The following RIPPLY3 variants were observed in gnomAD, a reference collection of about 807,000 sequenced individuals.
The protein encoded by RIPPLY3 is ripply transcriptional repressor 3, also known as protein ripply3.
RIPPLY3 carries 8 observed loss-of-function variants against 11.9 expected under a neutral mutation model. That is an observed-to-expected ratio of 0.67 (90% CI 0.40 to 1.21). The LOEUF (loss-of-function observed/expected upper bound fraction) is 1.21, where lower values mean the gene tolerates loss of function less well. Among genes scored for constraint, RIPPLY3 ranks in the 50% most tolerant of loss-of-function variants. The pLI is 0.01. For missense variants in RIPPLY3, 271 were observed against 246.0 expected (o/e 1.10, Z -0.68); for synonymous variants, 102 against 99.0 (o/e 1.03, Z -0.18).
chr21:37,008,241 C>A lies in RIPPLY3; in HGVS notation c.171+18C>A, dbSNP rs373343767. 8.7e-6 allele frequency: 14 copies of A among 1,613,118 alleles called. No individual in the cohort carries two copies. In the African/African-American group the frequency reaches 1.6e-4, roughly 18 times the overall value. Reference sequence around the variant, plus strand: ...GAAGGCCGGTAAGGTTCAGTGCGGGCGTTGTAGGTAACCCTTCCAGCCAGA... The same window carrying A: ...GAAGGCCGGTAAGGTTCAGTGCGGGAGTTGTAGGTAACCCTTCCAGCCAGA... On this transcript the variant is annotated intron_variant, in intron 2 of 3. Coordinates refer to ENST00000329553, the MANE Select transcript of RIPPLY3 (RefSeq NM_018962.3).
chr21:37,010,594 A>G (rs2069511662), intron 2 of RIPPLY3, among the ~76,000 whole-genome samples: 1 of 152,168 alleles, frequency 6.6e-6, no homozygotes, highest in Admixed American at 6.5e-5. Flanking sequence ...ATGCCCCTAC[A>G]ACACTTAGGG....
At position 37,006,967 on chromosome 21, in the gene RIPPLY3, C is replaced by A; in HGVS notation, c.104+91C>A. The A allele has an allele frequency of 1.3e-6, 1 of 747,172 alleles. No individual in the cohort carries two copies. The highest frequency in any genetic ancestry group is 1.8e-6 in the Non-Finnish European group (1 of 554,900). 46.3% of individuals were successfully genotyped at this position (747,172 alleles called of 1,614,324 possible). ...CAGCGAGCGGGAGGCTGGGGCGCTGCTGAACCCCCGATCCCCAGCGGAGCT... is the reference window on the plus strand; with the variant it reads ...CAGCGAGCGGGAGGCTGGGGCGCTGATGAACCCCCGATCCCCAGCGGAGCT... On this transcript the variant is annotated intron_variant, in intron 1 of 3. Transcript: ENST00000329553. The surrounding 1 kb of genome is among the most constrained non-coding windows in gnomAD (Gnocchi z 5.2).
intron 2 of RIPPLY3, among the ~76,000 whole-genome samples, chr21:37,013,240 T>C (rs1055597052): frequency 1.2e-4 from 19 of 152,190 alleles, no homozygotes; most frequent in African/African-American, 4.1e-4. Context: ...ATCATGGGTA[T>C]CTTACCGTGT....
chr21:37,013,798 T>C (rs2069551093), intron 3 of RIPPLY3, among the ~76,000 whole-genome samples, 180 bp downstream of exon 3: 2 of 152,232 alleles, frequency 1.3e-5, no homozygotes. Flanking sequence ...AATCCATTCA[T>C]GTATTCATTC....
Position 37,017,875 on chromosome 21 carries a change from G to T in RIPPLY3, c.241G>T (p.Val81Phe). ...GAFGFQHPVR[V>F]YLPMSKRQEY... Reference sequence around the variant, plus strand: ...GTATATTTGTTTCTTAAATATTAGAGTCTATTTACCCATGTCAAAGCGTCA... The same window carrying T: ...GTATATTTGTTTCTTAAATATTAGATTCTATTTACCCATGTCAAAGCGTCA... Residue 81 changes from valine (V) to phenylalanine (F), a missense_variant and splice_region_variant, in exon 4 of 4, where the codon GTC becomes TTC. Physicochemically the swap from Val to Phe is conservative, Grantham distance 50. Transcript: ENST00000329553. 1 of 1,603,558 alleles carries T rather than the reference G, an allele frequency of 6.2e-7. No individual in the cohort carries two copies. Among genetic ancestry groups the T allele is most frequent in the Non-Finnish European group, 8.5e-7 (1 of 1,174,096 alleles).
intron 2 of RIPPLY3, among the ~76,000 whole-genome samples, chr21:37,009,234 ATT>A (rs5843784): frequency 3.5e-4 from 52 of 147,804 alleles, no homozygotes; most frequent in South Asian, 8.6e-4. Flanking sequence ...CTTTTACTTA[ATT>A]TTTTTTTTTT....
At position 37,011,314 on chromosome 21, in the gene RIPPLY3, A is replaced by T. The variant is rs545563001; in HGVS notation, c.172-2237A>T. The stretch of plus-strand genomic sequence containing the variant: ...TGAGCCACTGCGCCCTGCCTGGCAT[A>T]AAACTTTTAAAGCTGCATATGTTTG... On this transcript the variant is annotated intron_variant, in intron 2 of 3. Transcript: ENST00000329553. Among the ~76,000 whole-genome samples the T allele has an allele frequency of 4.6e-5, 7 of 152,312 alleles. No individual in the cohort carries two copies. In the South Asian group the frequency reaches 1.5e-3, roughly 32 times the overall value.
chr21:37,008,216 G>A lies in RIPPLY3; in HGVS notation c.164G>A (p.Gly55Glu). Residue 55 changes from glycine to glutamate, a missense_variant, in exon 2 of 4, where the codon GGA becomes GAA. Transcript: ENST00000329553. The part of the protein sequence containing the change: ...TPGDAELTRT[G>E]RPLEPRADQH... ...GGAGATGCTGAGCTGACCAGAACTG[G>A]AAGGCCGGTAAGGTTCAGTGCGGGC... 2 of 1,614,156 alleles carry A rather than the reference G, an allele frequency of 1.2e-6. No homozygotes were observed. Among genetic ancestry groups the A allele is most frequent in the Non-Finnish European group, 1.7e-6 (2 of 1,180,036 alleles).
In RIPPLY3 at chr21:37,017,777, C is replaced by A. The variant is rs540210695; in HGVS notation, c.240-97C>A. On this transcript the variant is annotated intron_variant, in intron 3 of 3. Transcript: ENST00000329553. ...TGAAGGCAAAGACCAGAAAGGAAGACTGGGGAGTTCTCTGCTTCTGGGAAA... is the reference window on the plus strand; with the variant it reads ...TGAAGGCAAAGACCAGAAAGGAAGAATGGGGAGTTCTCTGCTTCTGGGAAA... 3.2e-6 allele frequency: 3 copies of A among 930,852 alleles called. No homozygotes were observed. In the South Asian group the frequency reaches 5.3e-5, roughly 16 times the overall value. The allele number at this position is 930,852 out of a possible 1,614,324, so 57.7% of individuals were successfully genotyped here.
At position 37,013,389 on chromosome 21, in the gene RIPPLY3, G is replaced by A. The variant is rs557335941; in HGVS notation, c.172-162G>A. Among the ~76,000 whole-genome samples the A allele has an allele frequency of 2.0e-5, 3 of 152,230 alleles. No individual in the cohort carries two copies. The South Asian group carries it at 6.2e-4, about 32-fold the overall frequency. On this transcript the variant is annotated intron_variant, in intron 2 of 3. Coordinates refer to ENST00000329553, the MANE Select transcript of RIPPLY3 (RefSeq NM_018962.3). The stretch of plus-strand genomic sequence containing the variant: ...GGGACATTTTGGGCCGCGGTAACAG[G>A]AACACGGGCTTATCGAATACTGATA...
chr21:37,014,274 C>T (rs1389293726), intron 3 of RIPPLY3, among the ~76,000 whole-genome samples: 2 of 152,144 alleles, frequency 1.3e-5, no homozygotes, highest in African/African-American at 2.4e-5. Context: ...GCCGAGATCA[C>T]GCCACTGTAC....
chr21:37,009,159 A>T (rs2069496773), intron 2 of RIPPLY3, among the ~76,000 whole-genome samples: 1 of 152,106 alleles, frequency 6.6e-6, no homozygotes, highest in East Asian at 1.9e-4. Context: ...ATACTTACTG[A>T]TGTAATGACT....
chr21:37,018,275 C>T lies in RIPPLY3; in HGVS notation c.*68C>T. The T allele has an allele frequency of 7.5e-7, 1 of 1,336,856 alleles. No individual in the cohort carries two copies. Among genetic ancestry groups the T allele is most frequent in the Non-Finnish European group, 1.1e-6 (1 of 938,310 alleles). 82.8% of individuals were successfully genotyped at this position (1,336,856 alleles called of 1,614,324 possible). A position where few individuals can be genotyped will look rare whatever the true frequency, so the allele number is the denominator to read the frequency against. Reference sequence around the variant, plus strand: ...CACGTTCTCTTGGGGACACCCGAGCCAGGACACTACGCATCCCTGCTGAGT... The same window carrying T: ...CACGTTCTCTTGGGGACACCCGAGCTAGGACACTACGCATCCCTGCTGAGT... On this transcript the variant is annotated 3_prime_UTR_variant, in exon 4 of 4. Coordinates refer to ENST00000329553, the MANE Select transcript of RIPPLY3 (RefSeq NM_018962.3).
chr21:37,014,991 G>A (rs2069563057), intron 3 of RIPPLY3, among the ~76,000 whole-genome samples: 1 of 152,096 alleles, frequency 6.6e-6, no homozygotes, highest in South Asian at 2.1e-4. Flanking sequence ...GCCTCCCAAA[G>A]CGTTGGGATT....
intron 3 of RIPPLY3, among the ~76,000 whole-genome samples, chr21:37,016,319 A>G (rs1188589036): frequency 6.6e-6 from 1 of 152,202 alleles, no homozygotes; most frequent in Non-Finnish European, 1.5e-5. Context: ...GTCTCCAGAC[A>G]TTGCCAAATG....
rs1569286382 is a variant in RIPPLY3 at position 37,012,216 on chromosome 21, TTATTA to T, written c.172-1333_172-1329del. Among the ~76,000 whole-genome samples, 217 of 75,412 alleles carry T rather than the reference TTATTA, an allele frequency of 2.9e-3. 2 individuals are homozygous for T. The highest frequency in any genetic ancestry group is 6.6e-3 in the Middle Eastern group (1 of 152). 49.5% of individuals were successfully genotyped at this position (75,412 alleles called of 152,430 possible). A position where few individuals can be genotyped will look rare whatever the true frequency, so the allele number is the denominator to read the frequency against. On this transcript the variant is annotated intron_variant, in intron 2 of 3. Transcript: ENST00000329553. ...CCAGACCATTTCCGCTCCTTATTTA[TTATTA>T]TTATTATTATTATTATTATTATTAT...
chr21:37,011,884 G>T (rs1451878269), intron 2 of RIPPLY3, among the ~76,000 whole-genome samples: 2 of 125,388 alleles, frequency 1.6e-5, no homozygotes, highest in Middle Eastern at 6.5e-3. Context: ...AGCCGAGATC[G>T]CACCACTGCA....
intron 3 of RIPPLY3, among the ~76,000 whole-genome samples, chr21:37,016,141 C>T (rs781202292): frequency 6.6e-4 from 100 of 152,084 alleles, no homozygotes; most frequent in Non-Finnish European, 1.3e-3. Context: ...GATGAACATA[C>T]ACATTCTGTC....
chr21:37,011,287 C>T (rs746740273), intron 2 of RIPPLY3, among the ~76,000 whole-genome samples: 60 of 152,190 alleles, frequency 3.9e-4, no homozygotes, highest in Admixed American at 1.6e-3. Flanking sequence ...TAATTACGGG[C>T]GTGAGCCACT....
Sources: gnomAD v4.1 joint callset for allele counts (sites outside exome capture counted in the v4.1 genomes callset) on GRCh38, gnomAD v4.1.1 for gene constraint, Gnocchi (gnomAD v3.1) non-coding constraint, MANE v1.5 for transcripts, NCBI Gene and HGNC (gene_info 2026-07-23, HGNC 2026-07-21) for gene names.